PCDH7: variants seen among roughly 807,000 people sequenced by gnomAD.
The protein encoded by PCDH7 is protocadherin 7.
In PCDH7, 17 loss-of-function variants were observed where a neutral mutation model predicts 58.9. The ratio of observed to expected loss-of-function variants is 0.29; its 90% CI spans 0.20 to 0.43. The LOEUF is 0.43. PCDH7 is among the 20% of genes least tolerant of loss of function. The pLI, the probability that PCDH7 is intolerant of heterozygous loss-of-function variation, is 1.00. For missense variants in PCDH7, 1,274 were observed against 1,441.0 expected (o/e 0.88, Z 1.88); for synonymous variants, 664 against 616.4 (o/e 1.08, Z -1.14).
intron 1 of PCDH7, among the ~76,000 whole-genome samples, chr4:30,824,093 T>TTC (rs1372591105): frequency 2.2e-5 from 2 of 89,676 alleles, no homozygotes; most frequent in African/African-American, 8.9e-5. Context: ...CTTTCTTTCT[T>TTC]TCTTTCTTTC....
At chr4:30,979,391 T>TG (rs1750361481) in intron 3 of PCDH7, among the ~76,000 whole-genome samples, 1 of 151,976 alleles carries the variant, frequency 6.6e-6, no homozygotes, top group African/African-American at 2.4e-5. Flanking sequence ...GCTGAAGCTT[T>TG]GATTGATAAT....
At chr4:30,790,746 C>A (rs1009868201) in intron 1 of PCDH7, among the ~76,000 whole-genome samples, 1 of 151,938 alleles carries the variant, frequency 6.6e-6, no homozygotes, top group African/African-American at 2.4e-5. Flanking sequence ...ATAGTGAGAC[C>A]TCATCTCTAC....
At chr4:30,926,230 G>A (rs1166291750) in intron 2 of PCDH7, among the ~76,000 whole-genome samples, 5 of 150,860 alleles carry the variant, frequency 3.3e-5, no homozygotes, top group African/African-American at 1.2e-4. Flanking sequence ...TGCCACCCAG[G>A]CTGGAGTGCA....
At chr4:31,069,110 T>C (rs1758332057) in intron 3 of PCDH7, among the ~76,000 whole-genome samples, 1 of 151,992 alleles carries the variant, frequency 6.6e-6, no homozygotes, top group South Asian at 2.1e-4. Flanking sequence ...AATGCCAAAC[T>C]GATAGACTAA....
intron 1 of PCDH7, among the ~76,000 whole-genome samples, chr4:30,739,813 T>C (rs1716833324): frequency 6.6e-6 from 1 of 152,156 alleles, no homozygotes; most frequent in Non-Finnish European, 1.5e-5. Context: ...ATGCTTAAGG[T>C]CTATTCCAGG....
intron 1 of PCDH7, among the ~76,000 whole-genome samples, chr4:30,886,159 A>G (rs1205427237): frequency 6.0e-5 from 9 of 150,864 alleles, no homozygotes; most frequent in African/African-American, 2.2e-4. Flanking sequence ...GCACAGCAAA[A>G]GAAACTACCA....
chr4:31,105,447 C>T (rs755745397), intron 3 of PCDH7, among the ~76,000 whole-genome samples: 5 of 151,860 alleles, frequency 3.3e-5, no homozygotes, highest in Non-Finnish European at 5.9e-5. Flanking sequence ...TGTATAAGAA[C>T]GGTTGGGTGG....
chr4:31,110,352 A>C (rs1716131647), intron 3 of PCDH7, among the ~76,000 whole-genome samples: 2 of 152,176 alleles, frequency 1.3e-5, no homozygotes, highest in Non-Finnish European at 2.9e-5. Context: ...AACCTCGTAC[A>C]AGTTTTAAAT....
chr4:31,128,878 G>A (rs1202207951), intron 3 of PCDH7, among the ~76,000 whole-genome samples: 1 of 152,130 alleles, frequency 6.6e-6, no homozygotes, highest in Non-Finnish European at 1.5e-5. Context: ...GTCCTAAAAG[G>A]GGATGAGGAG....
At chr4:31,053,000 A>AC (rs1184994462) in intron 3 of PCDH7, among the ~76,000 whole-genome samples, 1 of 151,952 alleles carries the variant, frequency 6.6e-6, no homozygotes, top group Non-Finnish European at 1.5e-5. Flanking sequence ...GAGTCAAATT[A>AC]CTTTTTTTTT....
chr4:31,130,571 G>A (rs1345891449), intron 3 of PCDH7, among the ~76,000 whole-genome samples: 2 of 152,126 alleles, frequency 1.3e-5, no homozygotes, highest in African/African-American at 4.8e-5. Flanking sequence ...CAAACTTAGA[G>A]TCTTAAGGCA....
At chr4:30,947,098 CT>C (rs1415244909) in intron 2 of PCDH7, among the ~76,000 whole-genome samples, 1 of 152,130 alleles carries the variant, frequency 6.6e-6, no homozygotes, top group Non-Finnish European at 1.5e-5. Flanking sequence ...TGCACATGGT[CT>C]CTGGGCTTAT....
rs1319944572 is a variant in PCDH7 at position 30,723,696 on chromosome 4, T to C, written c.2274T>C (p.Asn758=). ...ACACTTTACTGCCACCTTCGAGTAA[T>C]GTCAGGACAGTAGTAGCTACAGTGT... Residue 758 remains asparagine (N), a synonymous_variant, in exon 1 of 2, where the codon AAT becomes AAC. Coordinates refer to ENST00000361762, the Ensembl canonical transcript of PCDH7. This position sits in a 1 kb window ranked among gnomAD's most constrained non-coding sequence, Gnocchi z 4.6. 3 of 1,614,152 alleles carry C rather than the reference T, an allele frequency of 1.9e-6. No homozygotes were observed. The highest frequency in any genetic ancestry group is 2.5e-6 in the Non-Finnish European group (3 of 1,180,012).
At chr4:31,059,044 A>T (rs1757478485) in intron 3 of PCDH7, among the ~76,000 whole-genome samples, 1 of 152,002 alleles carries the variant, frequency 6.6e-6, no homozygotes, top group Non-Finnish European at 1.5e-5. Flanking sequence ...GAGAAACCTG[A>T]TGCTTAAAAA....
intron 3 of PCDH7, among the ~76,000 whole-genome samples, chr4:31,019,310 G>A (rs1274440749): frequency 6.6e-6 from 1 of 151,994 alleles, no homozygotes; most frequent in African/African-American, 2.4e-5. Flanking sequence ...AAATTAAAAA[G>A]CATGATCATA....
intron 1 of PCDH7, among the ~76,000 whole-genome samples, chr4:30,886,566 G>A (rs1461803728): frequency 2.0e-5 from 3 of 148,720 alleles, no homozygotes; most frequent in South Asian, 2.1e-4. Context: ...TCAGTGTGGC[G>A]ATTCCTCAGG....
chr4:30,779,579 G>T (rs997565961), intron 1 of PCDH7, among the ~76,000 whole-genome samples: 3 of 152,082 alleles, frequency 2.0e-5, no homozygotes, highest in South Asian at 2.1e-4. Context: ...CAACCAAAGG[G>T]ATCATATAGA....
chr4:31,141,209 C>T (rs1720210331), intron 3 of PCDH7, among the ~76,000 whole-genome samples: 1 of 152,190 alleles, frequency 6.6e-6, no homozygotes, highest in African/African-American at 2.4e-5. Flanking sequence ...TAAATAACTT[C>T]CTCTTCTATT....
At chr4:31,071,695 C>T (rs1323929435) in intron 3 of PCDH7, among the ~76,000 whole-genome samples, 1 of 151,980 alleles carries the variant, frequency 6.6e-6, no homozygotes, top group African/African-American at 2.4e-5. Context: ...AGTGGTTGCT[C>T]TGATTGTGTT....
Sources: allele counts gnomAD v4.1 joint callset (sites outside exome capture counted in the v4.1 genomes callset), GRCh38; gene constraint gnomAD v4.1.1; non-coding constraint Gnocchi (gnomAD v3.1); transcripts MANE v1.5; gene names NCBI Gene and HGNC (gene_info 2026-07-23, HGNC 2026-07-21).